The following TOX variants were observed in gnomAD, a reference collection of about 807,000 sequenced individuals.
The protein encoded by TOX is thymocyte selection associated high mobility group box, also known as thymocyte selection-associated high mobility group box protein TOX.
TOX carries 11 observed loss-of-function variants against 53.7 expected under a neutral mutation model. The ratio of observed to expected loss-of-function variants is 0.20; its 90% CI spans 0.13 to 0.34. The LOEUF (loss-of-function observed/expected upper bound fraction) is 0.34, where lower values mean the gene tolerates loss of function less well. Among genes scored for constraint, TOX ranks in the 10% least tolerant of loss-of-function variants. TOX has a pLI of 1.00. For missense variants in TOX, 570 were observed against 664.6 expected (o/e 0.86, Z 1.56); for synonymous variants, 225 against 245.3 (o/e 0.92, Z 0.77).
intron 1 of TOX, among the ~76,000 whole-genome samples, chr8:59,074,196 A>G (rs757144433): frequency 6.6e-5 from 10 of 152,164 alleles, no homozygotes; most frequent in Admixed American, 2.0e-4. Context: ...GAGGCAAGGA[A>G]CTTGTGTTCC....
intron 3 of TOX, among the ~76,000 whole-genome samples, chr8:58,933,455 A>C (rs1812291528): frequency 6.6e-6 from 1 of 152,106 alleles, no homozygotes; most frequent in South Asian, 2.1e-4. Flanking sequence ...CAACATGAAA[A>C]CACTATCCAT....
At chr8:58,825,443 C>A (rs1169679589) in intron 6 of TOX, among the ~76,000 whole-genome samples, 1 of 152,176 alleles carries the variant, frequency 6.6e-6, no homozygotes, top group African/African-American at 2.4e-5. Context: ...AGAAAAGTTG[C>A]AGCTAAGAGC....
At chr8:59,019,633 A>G (rs926276069) in intron 1 of TOX, among the ~76,000 whole-genome samples, 1 of 152,254 alleles carries the variant, frequency 6.6e-6, no homozygotes, top group Non-Finnish European at 1.5e-5. Context: ...AAACAAAAAT[A>G]TAATTTAATG....
rs1427407751 is a variant in TOX, at chr8:58,914,301, T to C, written c.411+25001A>G. ...ATGAAGGATTTTGCCTAGTGAGCCA[T>C]GTAATTTTCAGCTCAAATCTCTGAT... On this transcript the variant is annotated intron_variant, in intron 3 of 8. Coordinates refer to ENST00000361421, the MANE Select transcript of TOX (RefSeq NM_014729.3). Among the ~76,000 whole-genome samples the C allele has an allele frequency of 2.0e-5, 3 of 152,184 alleles. No individual in the cohort carries two copies. In the East Asian group the frequency reaches 5.8e-4, roughly 29 times the overall value.
At chr8:58,927,571 G>A (rs965038881) in intron 3 of TOX, among the ~76,000 whole-genome samples, 18 of 152,260 alleles carry the variant, frequency 1.2e-4, no homozygotes, top group African/African-American at 4.1e-4. Context: ...GAAGAAAACT[G>A]TGTGTAAAAC....
intron 3 of TOX, among the ~76,000 whole-genome samples, chr8:58,881,749 T>G (rs994653624): frequency 6.9e-6 from 1 of 144,168 alleles, no homozygotes; most frequent in Non-Finnish European, 1.5e-5. Flanking sequence ...AAAAAAGGCT[T>G]AGAGGCTAAG....
At chr8:58,994,177 T>G (rs1483357822) in intron 1 of TOX, among the ~76,000 whole-genome samples, 1 of 152,206 alleles carries the variant, frequency 6.6e-6, no homozygotes, top group African/African-American at 2.4e-5. Flanking sequence ...TGTATTGACT[T>G]TAGTCTAGAA....
chr8:58,849,843 A>G (rs1289956103), intron 4 of TOX, among the ~76,000 whole-genome samples: 1 of 152,194 alleles, frequency 6.6e-6, no homozygotes, highest in Non-Finnish European at 1.5e-5. Context: ...ATTGACTTGA[A>G]TTATTCATGC....
intron 3 of TOX, among the ~76,000 whole-genome samples, chr8:58,923,135 A>C (rs922613066): frequency 3.9e-5 from 6 of 152,092 alleles, no homozygotes; most frequent in African/African-American, 1.4e-4. Flanking sequence ...GAGTCACTGA[A>C]GGGTGGTCAA....
chr8:58,878,999 T>A (rs1811335775), intron 3 of TOX, among the ~76,000 whole-genome samples: 1 of 148,730 alleles, frequency 6.7e-6, no homozygotes, highest in Non-Finnish European at 1.5e-5. Flanking sequence ...AGGCAGAGGT[T>A]GCAGTGAGCC....
intron 3 of TOX, among the ~76,000 whole-genome samples, chr8:58,928,505 T>C (rs1281857135): frequency 3.4e-5 from 5 of 146,932 alleles, no homozygotes; most frequent in African/African-American, 1.2e-4. Context: ...CATGAATGCG[T>C]AGAGAGACAG....
chr8:58,940,736 G>A (rs1812424382), intron 2 of TOX, among the ~76,000 whole-genome samples: 1 of 152,138 alleles, frequency 6.6e-6, no homozygotes, highest in South Asian at 2.1e-4. Flanking sequence ...AGTAGTGTAA[G>A]GTATTCATAT....
intron 2 of TOX, among the ~76,000 whole-genome samples, chr8:58,958,961 T>C (rs1246757980): frequency 6.6e-6 from 1 of 152,216 alleles, no homozygotes; most frequent in Non-Finnish European, 1.5e-5. Context: ...AAAGAAGTTT[T>C]ATGCTCCCTC....
intron 1 of TOX, among the ~76,000 whole-genome samples, chr8:59,034,213 G>A (rs1183444713): frequency 3.9e-5 from 6 of 152,224 alleles, no homozygotes; most frequent in African/African-American, 1.4e-4. Flanking sequence ...AGATAGAACA[G>A]CTGCCAACAG....
chr8:58,836,215 T>A (rs1051432865), intron 5 of TOX, among the ~76,000 whole-genome samples: 1 of 152,182 alleles, frequency 6.6e-6, no homozygotes, highest in African/African-American at 2.4e-5. Flanking sequence ...TTGGGATTGC[T>A]GGTTGGAATA....
At chr8:59,111,474 C>T (rs1298853668) in intron 1 of TOX, among the ~76,000 whole-genome samples, 2 of 151,994 alleles carry the variant, frequency 1.3e-5, no homozygotes, top group Non-Finnish European at 2.9e-5. Context: ...GGAAGTCTGC[C>T]ATTTAGGATA....
intron 3 of TOX, among the ~76,000 whole-genome samples, chr8:58,884,271 A>T (rs1185126751): frequency 6.6e-6 from 1 of 152,158 alleles, no homozygotes; most frequent in Non-Finnish European, 1.5e-5. Context: ...GAAGCACAGC[A>T]TATACTTTTA....
chr8:58,850,479 G>A (rs569039069), intron 4 of TOX, among the ~76,000 whole-genome samples: 1 of 152,314 alleles, frequency 6.6e-6, no homozygotes, highest in South Asian at 2.1e-4. Context: ...GCTGTAAGGA[G>A]TGATCCCTAG....
intron 1 of TOX, among the ~76,000 whole-genome samples, chr8:58,960,807 G>GTA: frequency 6.6e-6 from 1 of 152,214 alleles, no homozygotes; most frequent in East Asian, 1.9e-4. Flanking sequence ...GGTTTTGCAA[G>GTA]TAGTCATCAC....
Sources: gnomAD v4.1 joint callset for allele counts (sites outside exome capture counted in the v4.1 genomes callset) on GRCh38, gnomAD v4.1.1 for gene constraint, MANE v1.5 for transcripts, NCBI Gene and HGNC (gene_info 2026-07-23, HGNC 2026-07-21) for gene names.